Variants in TMEM117 observed in about 807,000 individuals in gnomAD.
The protein encoded by TMEM117 is transmembrane protein 117.
A neutral mutation model predicts 52.4 loss-of-function variants in TMEM117; 27 were observed. The ratio of observed to expected loss-of-function variants is 0.51; its 90% CI spans 0.38 to 0.71. The LOEUF is 0.71. Among genes scored for constraint, TMEM117 ranks in the 30% least tolerant of loss-of-function variants. The pLI is 0.00. For missense variants in TMEM117, 556 were observed against 630.5 expected (o/e 0.88, Z 1.26); for synonymous variants, 215 against 206.3 (o/e 1.04, Z -0.36).
intron 5 of TMEM117, among the ~76,000 whole-genome samples, chr12:44,212,684 G>C (rs1238366209): frequency 6.6e-6 from 1 of 152,022 alleles, no homozygotes; most frequent in South Asian, 2.1e-4. Flanking sequence ...CACCAGATAA[G>C]GGGGACTACT....
intron 6 of TMEM117, among the ~76,000 whole-genome samples, chr12:44,340,193 A>C (rs540751623): frequency 3.3e-5 from 5 of 152,240 alleles, no homozygotes; most frequent in South Asian, 2.1e-4. Flanking sequence ...CAAATGTTGG[A>C]TCACAACCTG....
At chr12:44,311,886 T>C (rs972871801) in intron 6 of TMEM117, among the ~76,000 whole-genome samples, 6 of 135,318 alleles carry the variant, frequency 4.4e-5, no homozygotes, top group African/African-American at 9.3e-5. Context: ...TGTATATATG[T>C]ATATATATGT....
At chr12:44,395,163 A>G in the TMEM117 span, among the ~76,000 whole-genome samples, 6 of 152,160 alleles carry the variant, frequency 3.9e-5, no homozygotes, top group African/African-American at 1.4e-4. Flanking sequence ...ATAACCATGA[A>G]ATTACTATAA....
intron 6 of TMEM117, among the ~76,000 whole-genome samples, chr12:44,370,505 CTTTTTTT>C (rs947989035): frequency 3.3e-5 from 4 of 120,426 alleles, no homozygotes; most frequent in African/African-American, 1.3e-4. Context: ...CACAGAGATT[CTTTTTTT>C]TTTTTTTTTT....
intron 7 of TMEM117, among the ~76,000 whole-genome samples, chr12:44,378,330 A>T (rs1219781352): frequency 2.0e-5 from 3 of 152,200 alleles, no homozygotes; most frequent in Non-Finnish European, 4.4e-5. Context: ...TAACTTTATC[A>T]TTTACATTGT....
intron 5 of TMEM117, among the ~76,000 whole-genome samples, chr12:44,222,056 G>T (rs11609283): frequency 0.11 from 16,124 of 152,120 alleles, 943 homozygotes; most frequent in Middle Eastern, 0.2. Context: ...TAATGATGGA[G>T]GAGGGGAAGT....
chr12:44,261,391 T>C (rs771378063), intron 5 of TMEM117, among the ~76,000 whole-genome samples: 6 of 152,192 alleles, frequency 3.9e-5, no homozygotes, highest in Non-Finnish European at 8.8e-5. Flanking sequence ...CAAACTATAA[T>C]GTGGAAAATG....
At chr12:44,081,303 C>T (rs1222276751) in intron 3 of TMEM117, among the ~76,000 whole-genome samples, 2 of 151,982 alleles carry the variant, frequency 1.3e-5, no homozygotes, top group Admixed American at 6.6e-5. Context: ...AATCAGTTGC[C>T]ATAAATTTGA....
At chr12:44,246,037 G>C (rs1054422549) in intron 5 of TMEM117, among the ~76,000 whole-genome samples, 1 of 152,012 alleles carries the variant, frequency 6.6e-6, no homozygotes, top group Non-Finnish European at 1.5e-5. Flanking sequence ...AATTTGATCA[G>C]CATCTACAGA....
chr12:43,900,516 G>A (rs1436567269), intron 2 of TMEM117, among the ~76,000 whole-genome samples: 1 of 151,900 alleles, frequency 6.6e-6, no homozygotes. Context: ...TCAGGAGTTC[G>A]AGATCAGCCT....
Position 43,920,296 on chromosome 12 carries a change from C to T in TMEM117, c.278-23914C>T, listed in dbSNP as rs142232977. On this transcript the variant is annotated intron_variant, in intron 2 of 7. Coordinates refer to ENST00000266534, the MANE Select transcript of TMEM117 (RefSeq NM_032256.3). ...ATCCCAGCACTTTGGGATGCCGAGG[C>T]GGGCGGATCACGAGGTCAGAAGATC... 1.3e-3 allele frequency among the ~76,000 whole-genome samples: 205 copies of T among 152,182 alleles called. 1 individual carries two copies. The highest frequency in any genetic ancestry group is 4.6e-3 in the African/African-American group (193 of 41,546).
intron 2 of TMEM117, among the ~76,000 whole-genome samples, chr12:43,938,710 G>A (rs967640872): frequency 2.0e-5 from 3 of 152,056 alleles, no homozygotes; most frequent in African/African-American, 7.2e-5. Context: ...GATGGAAAAT[G>A]TGAGAAGGGC....
the TMEM117 span, among the ~76,000 whole-genome samples, chr12:43,815,913 C>G: frequency 3.3e-5 from 5 of 152,206 alleles, no homozygotes; most frequent in African/African-American, 1.2e-4. Context: ...TTGTTTGCCA[C>G]TCAAATGTGT....
At chr12:43,929,863 A>G (rs889747233) in intron 2 of TMEM117, among the ~76,000 whole-genome samples, 3 of 152,122 alleles carry the variant, frequency 2.0e-5, no homozygotes, top group Non-Finnish European at 2.9e-5. Flanking sequence ...TATAATGCCA[A>G]TCTTTGCACC....
chr12:44,158,490 A>G (rs1472739535), intron 4 of TMEM117, among the ~76,000 whole-genome samples: 2 of 152,170 alleles, frequency 1.3e-5, no homozygotes, highest in Admixed American at 6.6e-5. Flanking sequence ...AGCAAACTCC[A>G]TGGCTAAAAA....
chr12:43,988,865 G>A (rs895834611), intron 3 of TMEM117, among the ~76,000 whole-genome samples: 7 of 152,224 alleles, frequency 4.6e-5, no homozygotes, highest in African/African-American at 7.2e-5. Context: ...AACATAATAC[G>A]TAAATAAGAA....
intron 3 of TMEM117, among the ~76,000 whole-genome samples, chr12:44,022,608 TAAAG>T (rs772123215): frequency 1.1e-4 from 17 of 152,080 alleles, no homozygotes; most frequent in Non-Finnish European, 2.9e-5. Context: ...GTGAGCATAA[TAAAG>T]AAGGATGATG....
chr12:44,297,473 G>T (rs1290299718), intron 5 of TMEM117, among the ~76,000 whole-genome samples: 1 of 152,152 alleles, frequency 6.6e-6, no homozygotes. Flanking sequence ...GGAGGTGAGA[G>T]GCTCTGTGAA....
At chr12:43,932,072 G>C (rs574465329) in intron 2 of TMEM117, among the ~76,000 whole-genome samples, 5 of 151,946 alleles carry the variant, frequency 3.3e-5, no homozygotes, top group African/African-American at 4.8e-5. Flanking sequence ...TGTGTTTCCC[G>C]TATTTACCAT....
Sources: allele counts gnomAD v4.1 joint callset (sites outside exome capture counted in the v4.1 genomes callset), GRCh38; gene constraint gnomAD v4.1.1; transcripts MANE v1.5; gene names NCBI Gene and HGNC (gene_info 2026-07-23, HGNC 2026-07-21).